ANTXRL: variants seen among roughly 807,000 people sequenced by gnomAD.
The protein encoded by ANTXRL is anthrax toxin receptor-like.
Under a neutral mutation model 75.4 loss-of-function variants are expected in ANTXRL, and 63 were observed. The observed-to-expected ratio is 0.84, with a 90% CI of 0.68 to 1.03. ANTXRL has a LOEUF of 1.03. ANTXRL is among the 50% of genes least tolerant of loss of function. ANTXRL has a pLI of 0.00. For missense variants in ANTXRL, 797 were observed against 789.4 expected, an observed-to-expected ratio of 1.01 and a Z score of -0.12; for synonymous variants, 335 against 291.3, an observed-to-expected ratio of 1.15 and a Z score of -1.53.
chr10:46,311,492 T>C lies in ANTXRL; in HGVS notation c.1174-18T>C. The C allele has an allele frequency of 6.6e-7, 1 of 1,523,662 alleles. No individual in the cohort carries two copies. The highest frequency in any genetic ancestry group is 8.8e-7 in the Non-Finnish European group (1 of 1,140,340). The allele number at this position is 1,523,662 out of a possible 1,614,324, so 94.4% of individuals were successfully genotyped here. A position where few individuals can be genotyped will look rare whatever the true frequency, so the allele number is the denominator to read the frequency against. On this transcript the variant is annotated intron_variant, in intron 14 of 16. Coordinates refer to ENST00000620264, the MANE Select transcript of ANTXRL (RefSeq NM_001278688.3). ...CCCTGCCAGCACTGTGAGCAGACAG[T>C]TGTTTTTCTTTTTTTAGGAGCCAGA...
chr10:46,328,093 C>T (rs1839314459), intron 16 of ANTXRL, among the ~76,000 whole-genome samples: 1 of 152,108 alleles, frequency 6.6e-6, no homozygotes, highest in African/African-American at 2.4e-5. Flanking sequence ...GGGCACTTCC[C>T]ACAATGGGCT....
intron 14 of ANTXRL, 149 bp downstream of exon 14, chr10:46,310,648 G>A: frequency 1.2e-6 from 1 of 859,620 alleles, no homozygotes; most frequent in South Asian, 1.5e-5. Flanking sequence ...AGAAGATGGG[G>A]GACTCACAGT....
intron 16 of ANTXRL, among the ~76,000 whole-genome samples, chr10:46,321,359 T>C (rs554096749): frequency 6.6e-6 from 1 of 152,310 alleles, no homozygotes; most frequent in African/African-American, 2.4e-5. Context: ...CTTTGAAAAG[T>C]TGTCCATTTC....
chr10:46,297,827 G>A lies in ANTXRL; in HGVS notation c.655-4G>A. On this transcript the variant is annotated splice_polypyrimidine_tract_variant and splice_region_variant and intron_variant, in intron 7 of 16. Coordinates refer to ENST00000620264, the MANE Select transcript of ANTXRL (RefSeq NM_001278688.3). Reference sequence around the variant, plus strand: ...GGAGTCCAACCCAGCTCTGCTCTCTGTAGATAACAGCAATTGCAGACAGCC... The same window carrying A: ...GGAGTCCAACCCAGCTCTGCTCTCTATAGATAACAGCAATTGCAGACAGCC... 1 of 1,535,814 alleles carries A rather than the reference G, an allele frequency of 6.5e-7. No homozygotes were observed.
chr10:46,292,187 G>A, intron 2 of ANTXRL, 58 bp downstream of exon 2: 3 of 1,494,670 alleles, frequency 2.0e-6, no homozygotes, highest in Middle Eastern at 1.8e-4. Flanking sequence ...CTTCTGGAAG[G>A]CAGGCAGAGG....
chr10:46,320,723 C>CT (rs1838939694), intron 16 of ANTXRL, among the ~76,000 whole-genome samples: 1 of 151,976 alleles, frequency 6.6e-6, no homozygotes, highest in African/African-American at 2.4e-5. Context: ...CACAGGGAGT[C>CT]TTTGTCTCAA....
intron 3 of ANTXRL, among the ~76,000 whole-genome samples, chr10:46,295,314 G>A (rs1837299146): frequency 1.3e-5 from 2 of 152,182 alleles, no homozygotes; most frequent in Non-Finnish European, 2.9e-5. Flanking sequence ...AGCCCTACCT[G>A]TTAAAGGACG....
At position 46,302,760 on chromosome 10, in the gene ANTXRL, A is replaced by G; in HGVS notation, c.835A>G (p.Asn279Asp). The G allele has an allele frequency of 6.5e-7, 1 of 1,536,404 alleles. No individual in the cohort carries two copies. ...HVVIHGNGFQ[N>D]LKKRDEVICR... ...GGTTATTCATGGAAATGGCTTTCAG[A>G]ATCTAAAGAAACGGGATGAAGTTAT... Residue 279 changes from asparagine (N) to aspartate (D), a missense_variant, in exon 10 of 17, where the codon AAT becomes GAT. Coordinates refer to ENST00000620264, the MANE Select transcript of ANTXRL (RefSeq NM_001278688.3).
chr10:46,307,176 A>G (rs1431344431), intron 11 of ANTXRL, among the ~76,000 whole-genome samples: 2 of 152,162 alleles, frequency 1.3e-5, no homozygotes, highest in Non-Finnish European at 2.9e-5. Context: ...CAGAAGAGCC[A>G]GGATGGTGAC....
chr10:46,292,038 C>A lies in ANTXRL; in HGVS notation c.249-20C>A. ...GAGAGATGCACTCATCTCCCTGACC[C>A]ACATCTCCTTTTGTTTTAGGTCTGG... On this transcript the variant is annotated intron_variant, in intron 1 of 16. Coordinates refer to ENST00000620264, the MANE Select transcript of ANTXRL (RefSeq NM_001278688.3). 6.5e-7 allele frequency: 1 copy of A among 1,535,202 alleles called. No homozygotes were observed. The highest frequency in any genetic ancestry group is 2.4e-5 in the East Asian group (1 of 40,902).
intron 12 of ANTXRL, 84 bp downstream of exon 12, chr10:46,307,564 T>A: frequency 7.7e-7 from 1 of 1,297,822 alleles, no homozygotes; most frequent in Non-Finnish European, 1.1e-6. Flanking sequence ...AGGCAGACCG[T>A]TCCCAGGCAG....
chr10:46,290,999 C>CA (rs1325144744), intron 1 of ANTXRL, among the ~76,000 whole-genome samples: 4 of 151,990 alleles, frequency 2.6e-5, no homozygotes, highest in Non-Finnish European at 5.9e-5. Flanking sequence ...GTGCCATATC[C>CA]AAAAAAATCC....
chr10:46,325,844 C>G (rs567616991), intron 16 of ANTXRL, among the ~76,000 whole-genome samples: 3 of 152,018 alleles, frequency 2.0e-5, no homozygotes, highest in Non-Finnish European at 4.4e-5. Flanking sequence ...CTTTAATATC[C>G]TCCTCAGGTC....
chr10:46,302,184 C>T (rs1837790006), intron 9 of ANTXRL, among the ~76,000 whole-genome samples: 1 of 152,166 alleles, frequency 6.6e-6, no homozygotes, highest in South Asian at 2.1e-4. Flanking sequence ...GAGTCCTGGC[C>T]CTGATGCTGT....
At chr10:46,308,746 G>A (rs1234638336) in intron 12 of ANTXRL, 2 of 350,944 alleles carry the variant, frequency 5.7e-6, no homozygotes, top group Admixed American at 8.3e-5. Flanking sequence ...GGCTGTGGGG[G>A]ATGGACCCGG....
At chr10:46,305,971 T>A (rs1202824650) in intron 10 of ANTXRL, among the ~76,000 whole-genome samples, 3 of 152,124 alleles carry the variant, frequency 2.0e-5, no homozygotes, top group African/African-American at 4.8e-5. Flanking sequence ...GCAAAATACA[T>A]CCTGGATCTG....
intron 1 of ANTXRL, among the ~76,000 whole-genome samples, chr10:46,289,246 A>G (rs1356174016): frequency 2.0e-5 from 3 of 152,170 alleles, no homozygotes; most frequent in Admixed American, 6.5e-5. Flanking sequence ...ATTCTTGGCC[A>G]GGTGACATTT....
intron 12 of ANTXRL, among the ~76,000 whole-genome samples, chr10:46,308,252 C>T (rs1554962438): frequency 6.6e-6 from 1 of 152,108 alleles, no homozygotes; most frequent in Non-Finnish European, 1.5e-5. Flanking sequence ...GCACGCATTC[C>T]CCATCAGGAA....
At chr10:46,307,318 G>T (rs1554962156) in intron 11 of ANTXRL, 84 bp from the exon 12 acceptor site, 1 of 974,312 alleles carries the variant, frequency 1.0e-6, no homozygotes, top group Non-Finnish European at 1.6e-6. Flanking sequence ...TTTGGGGAAT[G>T]ACCTCTCATT....
Sources: allele counts gnomAD v4.1 joint callset (sites outside exome capture counted in the v4.1 genomes callset), GRCh38; gene constraint gnomAD v4.1.1; transcripts MANE v1.5; gene names NCBI Gene and HGNC (gene_info 2026-07-23, HGNC 2026-07-21).